RANBP17: variants seen among roughly 807,000 people sequenced by gnomAD.
RANBP17 encodes ran-binding protein 17.
RANBP17 carries 158 observed loss-of-function variants against 141.2 expected under a neutral mutation model. That is an observed-to-expected ratio of 1.12 (90% confidence interval 0.98 to 1.28). The LOEUF is 1.28. RANBP17 is among the 50% of genes most tolerant of loss of function. RANBP17 has a pLI of 0.00. For missense variants in RANBP17, 1,438 were observed against 1,290.7 expected, an observed-to-expected ratio of 1.11 and a Z score of -1.75; for synonymous variants, 430 against 450.0, an observed-to-expected ratio of 0.96 and a Z score of 0.56.
chr5:170,916,924 C>G (rs980233433), intron 9 of RANBP17, among the ~76,000 whole-genome samples: 34 of 152,000 alleles, frequency 2.2e-4, no homozygotes, highest in African/African-American at 8.2e-4. Context: ...CCATGTTGGG[C>G]AGGCTGGTCT....
At chr5:170,884,237 A>T (rs1342831111) in intron 3 of RANBP17, among the ~76,000 whole-genome samples, 2 of 152,166 alleles carry the variant, frequency 1.3e-5, no homozygotes, top group East Asian at 3.8e-4. Context: ...ACCTCTGTAC[A>T]ATTGACCCTT....
intron 14 of RANBP17, among the ~76,000 whole-genome samples, chr5:171,015,752 C>T (rs975333713): frequency 7.2e-5 from 11 of 151,974 alleles, no homozygotes; most frequent in African/African-American, 1.7e-4. Flanking sequence ...CTTTATTATG[C>T]GAAACTAGAA....
intron 5 of RANBP17, chr5:170,896,879 T>C: frequency 1.8e-6 from 1 of 544,000 alleles, no homozygotes; most frequent in Non-Finnish European, 3.4e-6. Flanking sequence ...GCAGGCCCAA[T>C]GCAGAGGCCG....
intron 16 of RANBP17, among the ~76,000 whole-genome samples, chr5:171,182,494 A>G (rs1486283797): frequency 6.6e-6 from 1 of 152,238 alleles, no homozygotes; most frequent in Non-Finnish European, 1.5e-5. Context: ...CCATGGCTGT[A>G]TAATCTTGGG....
chr5:171,183,555 A>G (rs953205208), intron 18 of RANBP17, 125 bp downstream of exon 18: 3 of 648,824 alleles, frequency 4.6e-6, no homozygotes, highest in African/African-American at 3.6e-5. Flanking sequence ...ACAGTTTTCT[A>G]CAACCTTCTA....
intron 14 of RANBP17, among the ~76,000 whole-genome samples, chr5:171,067,346 T>C (rs557830023): frequency 2.0e-5 from 3 of 152,334 alleles, no homozygotes; most frequent in Non-Finnish European, 4.4e-5. Context: ...TACATTGTGT[T>C]CTTGTTAACA....
intron 14 of RANBP17, among the ~76,000 whole-genome samples, chr5:171,018,850 T>C (rs2127599235): frequency 6.6e-6 from 1 of 152,346 alleles, no homozygotes; most frequent in South Asian, 2.1e-4. Context: ...TCAAAGGGAA[T>C]GCTTCCAGCT....
intron 14 of RANBP17, among the ~76,000 whole-genome samples, chr5:170,969,913 G>A (rs1776864573): frequency 6.6e-6 from 1 of 151,910 alleles, no homozygotes; most frequent in African/African-American, 2.4e-5. Flanking sequence ...TTAGTCCTAA[G>A]GTGACAAAAT....
intron 14 of RANBP17, among the ~76,000 whole-genome samples, chr5:171,110,863 A>ATT (rs35915171): frequency 5.2e-4 from 76 of 147,060 alleles, no homozygotes; most frequent in Non-Finnish European, 9.2e-4. Context: ...TTTTTTTTTA[A>ATT]TTTTTTTTTT....
At chr5:171,181,678 T>C (rs950672652) in intron 16 of RANBP17, among the ~76,000 whole-genome samples, 7 of 152,250 alleles carry the variant, frequency 4.6e-5, no homozygotes, top group African/African-American at 1.7e-4. Flanking sequence ...AACTTGAGTA[T>C]AAATCATACT....
At chr5:171,008,875 A>G (rs1779842559) in intron 14 of RANBP17, among the ~76,000 whole-genome samples, 1 of 152,198 alleles carries the variant, frequency 6.6e-6, no homozygotes. Flanking sequence ...AATTAAATGT[A>G]CCACCTTTCT....
rs1274803024 is a variant in RANBP17 at position 170,952,659 on chromosome 5, A to G, written c.1469-938A>G. On this transcript the variant is annotated intron_variant, in intron 12 of 27. Coordinates refer to ENST00000523189, the MANE Select transcript of RANBP17 (RefSeq NM_022897.5). ...TCAGTTCCATACCTTTTAAAAAAAC[A>G]TTTTTACTTGAAAGCGTTTCTTAAT... Among the ~76,000 whole-genome samples the G allele has an allele frequency of 2.6e-5, 4 of 152,038 alleles. No homozygotes were observed. In the South Asian group the frequency reaches 8.3e-4, roughly 32 times the overall value.
rs75283190 is a variant in RANBP17, at chr5:170,976,233, A to G, written c.1710+7856A>G. ...AACCCAAAAACAAAAGGAACAAAAC[A>G]TTCCATTATAATAGAATCAGAAAGA... On this transcript the variant is annotated intron_variant, in intron 14 of 27. Transcript: ENST00000523189. Among the ~76,000 whole-genome samples, 6 of 152,330 alleles carry G rather than the reference A, an allele frequency of 3.9e-5. No individual in the cohort carries two copies. In the East Asian group the frequency reaches 1.2e-3, roughly 29 times the overall value.
intron 14 of RANBP17, among the ~76,000 whole-genome samples, chr5:171,046,686 G>T (rs1276374634): frequency 6.6e-6 from 1 of 151,810 alleles, no homozygotes; most frequent in Admixed American, 6.6e-5. Context: ...AAAAGCAGTT[G>T]CTGGATGAAA....
At chr5:171,053,233 A>C (rs1473887104) in intron 14 of RANBP17, among the ~76,000 whole-genome samples, 1 of 151,954 alleles carries the variant, frequency 6.6e-6, no homozygotes, top group East Asian at 1.9e-4. Context: ...AGGTTCAGGT[A>C]GTACATGTGC....
At chr5:171,026,983 G>A (rs2127612233) in intron 14 of RANBP17, among the ~76,000 whole-genome samples, 1 of 152,174 alleles carries the variant, frequency 6.6e-6, no homozygotes, top group East Asian at 1.9e-4. Flanking sequence ...TAGGAGGACG[G>A]ACCTTATTGG....
chr5:170,956,367 T>A (rs1015044962), intron 13 of RANBP17, among the ~76,000 whole-genome samples: 21 of 152,178 alleles, frequency 1.4e-4, no homozygotes, highest in Admixed American at 1.1e-3. Flanking sequence ...AAAAATTTCA[T>A]TTTGTTCCAT....
intron 14 of RANBP17, among the ~76,000 whole-genome samples, chr5:171,033,460 T>C (rs1169564520): frequency 6.6e-6 from 1 of 152,178 alleles, no homozygotes; most frequent in Non-Finnish European, 1.5e-5. Flanking sequence ...ACTGTAGTTA[T>C]AACCTGGGAC....
At chr5:170,867,954 TG>T (rs1443401696) in intron 1 of RANBP17, among the ~76,000 whole-genome samples, 1 of 152,158 alleles carries the variant, frequency 6.6e-6, no homozygotes, top group Non-Finnish European at 1.5e-5. Context: ...AGGAAATCAC[TG>T]ATTTGCTTTC....
Sources: gnomAD v4.1 joint callset for allele counts (sites outside exome capture counted in the v4.1 genomes callset) on GRCh38, gnomAD v4.1.1 for gene constraint, MANE v1.5 for transcripts, NCBI Gene and HGNC (gene_info 2026-07-23, HGNC 2026-07-21) for gene names.